COL7A1: variants seen among roughly 807,000 people sequenced by gnomAD.
COL7A1 encodes the protein collagen type VII alpha 1 chain, also known as collagen alpha-1(VII) chain.
COL7A1 carries 296 observed loss-of-function variants against 456.2 expected under a neutral mutation model. The ratio of observed to expected loss-of-function variants is 0.65; its 90% CI spans 0.59 to 0.71. The LOEUF (loss-of-function observed/expected upper bound fraction) is 0.71, where lower values mean the gene tolerates loss of function less well. Ranked by LOEUF, COL7A1 falls within the 30% of genes least tolerant of loss-of-function variation. The probability of loss-of-function intolerance (pLI) is 0.00; values close to 1 mark genes in which losing one functional copy is unlikely to be tolerated. For missense variants in COL7A1, 3,441 were observed against 4,017.2 expected (o/e 0.86, Z 3.88); for synonymous variants, 1,464 against 1,525.9 (o/e 0.96, Z 0.95).
rs1214054963 is a variant in COL7A1, at chr3:48,572,105, C to CCCCAGGGCCAACCCACCTCA, written c.7023+2_7023+21dup. 11 of 1,613,832 alleles carry CCCCAGGGCCAACCCACCTCA rather than the reference C, an allele frequency of 6.8e-6. No individual in the cohort carries two copies. Among genetic ancestry groups the CCCCAGGGCCAACCCACCTCA allele is most frequent in the Non-Finnish European group, 9.3e-6 (11 of 1,179,946 alleles). On this transcript the variant is annotated intron_variant, in intron 91 of 118. Coordinates refer to ENST00000681320, the MANE Select transcript of COL7A1 (RefSeq NM_000094.4). This position sits in a 1 kb window ranked among gnomAD's most constrained non-coding sequence, Gnocchi z 4.6. ...GAGCCTTCTCTGCTCAGTAGTCAGG[C>CCCCAGGGCCAACCCACCTCA]CCCAGGGCCAACCCACCTCACCTTC...
chr3:48,578,918 C>T lies in COL7A1; in HGVS notation c.5424+1G>A. 3 of 1,613,758 alleles carry T rather than the reference C, an allele frequency of 1.9e-6. No individual in the cohort carries two copies. Among genetic ancestry groups the T allele is most frequent in the Non-Finnish European group, 2.5e-6 (3 of 1,179,870 alleles). On this transcript the variant is annotated splice_donor_variant, in intron 63 of 118. Coordinates refer to ENST00000681320, the MANE Select transcript of COL7A1 (RefSeq NM_000094.4). LOFTEE classifies it high-confidence loss of function. The surrounding 1 kb of genome is among the most constrained non-coding windows in gnomAD (Gnocchi z 4.7). ...CTGTCCCAGCATCTCCCCTCACTTA[C>T]GTCTCTCCCTGGGTCCCCAGCTTTG...
rs2107722976 is a variant in COL7A1 at position 48,583,025 on chromosome 3, T to A, written c.4506A>T (p.Pro1502=). 5 of 1,613,996 alleles carry A rather than the reference T, an allele frequency of 3.1e-6. No homozygotes were observed. The highest frequency in any genetic ancestry group is 4.2e-6 in the Non-Finnish European group (5 of 1,179,982). Reference sequence around the variant, plus strand: ...CCAGTGGGTTTACCCGGGATCCCGCTGGGCCTGGGGGTCCACGTTCGCCCT... The same window carrying A: ...CCAGTGGGTTTACCCGGGATCCCGCAGGGCCTGGGGGTCCACGTTCGCCCT... ...GEKGERGPPG[P]AGSRGLPGVA... is the part of the protein sequence containing the mutation. Residue 1502 remains proline, a synonymous_variant, in exon 44 of 119, where the codon CCA becomes CCT. Coordinates refer to ENST00000681320, the MANE Select transcript of COL7A1 (RefSeq NM_000094.4). This position sits in a 1 kb window ranked among gnomAD's most constrained non-coding sequence, Gnocchi z 5.1.
Position 48,583,306 on chromosome 3 carries a change from T to C in COL7A1, c.4437+87A>G. ...ACGACCTCTGACCTGGAGGGAACTC[T>C]TATCTCCTTATCTTCCAGCCTCCCC... is the stretch of plus-strand genomic sequence containing the variant. On this transcript the variant is annotated intron_variant, in intron 42 of 118. Coordinates refer to ENST00000681320, the MANE Select transcript of COL7A1 (RefSeq NM_000094.4). The surrounding 1 kb of genome is among the most constrained non-coding windows in gnomAD (Gnocchi z 5.1). 6.2e-7 allele frequency: 1 copy of C among 1,609,468 alleles called. No homozygotes were observed.
Position 48,590,293 on chromosome 3 carries a change from G to C in COL7A1, c.1970C>G (p.Pro657Arg), listed in dbSNP as rs369972686. ...CACAGCCACCTGGTAGGTGGTTCCA[G>C]GCTGCAGCCCTGTGATGTCTGTGGC... is the stretch of plus-strand genomic sequence containing the variant. ...STATDITGLQ[P>R]GTTYQVAVSV... The change falls in exon 16 of 119, where the codon CCT becomes CGT. Residue 657 changes from proline (P) to arginine (R), a missense_variant. By Grantham distance (103) the Pro-to-Arg change is moderately radical. Coordinates refer to ENST00000681320, the MANE Select transcript of COL7A1 (RefSeq NM_000094.4). This position sits in a 1 kb window ranked among gnomAD's most constrained non-coding sequence, Gnocchi z 4.6. 8.1e-6 allele frequency: 13 copies of C among 1,613,938 alleles called. No individual in the cohort carries two copies. Among genetic ancestry groups the C allele is most frequent in the African/African-American group, 4.0e-5 (3 of 74,902 alleles).
rs150337561 is a variant in COL7A1, at chr3:48,576,452, C to T, written c.5737-17G>A. 1.2e-6 allele frequency: 2 copies of T among 1,613,388 alleles called. No individual in the cohort carries two copies. The highest frequency in any genetic ancestry group is 1.7e-6 in the Non-Finnish European group (2 of 1,179,880). ...ACGGTCACCCTGAAAACAAGAATGA[C>T]CAGGTGGGGAAATGGCCCCCAGCCT... On this transcript the variant is annotated splice_polypyrimidine_tract_variant and intron_variant, in intron 69 of 118. Transcript: ENST00000681320.
In COL7A1 at chr3:48,580,908, C is replaced by T. The variant is rs1439299333; in HGVS notation, c.4954G>A (p.Gly1652Arg). The change falls in exon 54 of 119, where the codon GGA becomes AGA. Residue 1652 changes from glycine (G) to arginine (R), a missense_variant. This residue lies in a region of COL7A1 where 2,084 missense variants were observed against 2,501.3 expected (regional missense o/e 0.83). Coordinates refer to ENST00000681320, the MANE Select transcript of COL7A1 (RefSeq NM_000094.4). This position sits in a 1 kb window ranked among gnomAD's most constrained non-coding sequence, Gnocchi z 4.5. The stretch of plus-strand genomic sequence containing the variant: ...CGAAGGCCACGCTCGCCTGCTTTTC[C>T]AGGCAAACCCGGGTCACCCTGGTGA... ...EGPPGDPGLP[G>R]KAGERGLRGA... The T allele has an allele frequency of 1.2e-6, 2 of 1,614,122 alleles. No homozygotes were observed. The highest frequency in any genetic ancestry group is 1.7e-6 in the Non-Finnish European group (2 of 1,180,038).
chr3:48,588,226 T>C lies in COL7A1; in HGVS notation c.2710+56A>G. On this transcript the variant is annotated intron_variant, in intron 21 of 118. Transcript: ENST00000681320. This position sits in a 1 kb window ranked among gnomAD's most constrained non-coding sequence, Gnocchi z 4.6. ...CACTGTCCTCGCCTACCTTGCGGAGTCTGCCACAGCCCTGCCCCCAATGGT... is the reference window on the plus strand; with the variant it reads ...CACTGTCCTCGCCTACCTTGCGGAGCCTGCCACAGCCCTGCCCCCAATGGT... 1 of 1,611,824 alleles carries C rather than the reference T, an allele frequency of 6.2e-7. No individual in the cohort carries two copies. Among genetic ancestry groups the C allele is most frequent in the Admixed American group, 1.7e-5 (1 of 59,962 alleles).
Position 48,571,452 on chromosome 3 carries a change from G to T in COL7A1, c.7069-174C>A. Reference sequence around the variant, plus strand: ...TCAGACATGACCATGGCCTATCTCAGGACAGCACAGACAGAGGGACGCTCA... The same window carrying T: ...TCAGACATGACCATGGCCTATCTCATGACAGCACAGACAGAGGGACGCTCA... On this transcript the variant is annotated intron_variant, in intron 92 of 118. Coordinates refer to ENST00000681320, the MANE Select transcript of COL7A1 (RefSeq NM_000094.4). The surrounding 1 kb of genome is among the most constrained non-coding windows in gnomAD (Gnocchi z 4.6). The T allele has an allele frequency of 1.3e-6, 1 of 789,368 alleles. No individual in the cohort carries two copies. The highest frequency in any genetic ancestry group is 2.2e-6 in the Non-Finnish European group (1 of 451,740). 48.9% of individuals were successfully genotyped at this position (789,368 alleles called of 1,614,324 possible).
At position 48,584,074 on chromosome 3, in the gene COL7A1, T is replaced by A. The variant is rs907525863; in HGVS notation, c.4198-13A>T. On this transcript the variant is annotated splice_polypyrimidine_tract_variant and intron_variant, in intron 37 of 118. Coordinates refer to ENST00000681320, the MANE Select transcript of COL7A1 (RefSeq NM_000094.4). The stretch of plus-strand genomic sequence containing the variant: ...CGCCTTTGTCACCCTAGAAAACAGA[T>A]GACGACCCCATGACCCTGGGCCACA... 2.5e-6 allele frequency: 4 copies of A among 1,614,000 alleles called. No homozygotes were observed. Among genetic ancestry groups the A allele is most frequent in the Admixed American group, 1.7e-5 (1 of 59,996 alleles).
rs752688217 is a variant in COL7A1 at position 48,589,436 on chromosome 3, G to A, written c.2205C>T (p.Ala735=). Residue 735 remains alanine (A), a synonymous_variant, in exon 18 of 119, where the codon GCC becomes GCT. Transcript: ENST00000681320. The part of the protein sequence containing the change: ...PEKSQLVSGE[A]TVAELDGLEP... ...CCAGTCCATCCAGCTCAGCCACCGT[G>A]GCCTCCCCAGAAACCAACTGGGATT... 2 of 1,613,770 alleles carry A rather than the reference G, an allele frequency of 1.2e-6. No individual in the cohort carries two copies. Among genetic ancestry groups the A allele is most frequent in the Non-Finnish European group, 1.7e-6 (2 of 1,180,008 alleles).
In COL7A1 at chr3:48,573,804, G is replaced by A; in HGVS notation, c.6537+51C>T. The A allele has an allele frequency of 6.2e-7, 1 of 1,613,970 alleles. No individual in the cohort carries two copies. The highest frequency in any genetic ancestry group is 8.5e-7 in the Non-Finnish European group (1 of 1,179,942). On this transcript the variant is annotated intron_variant, in intron 81 of 118. Coordinates refer to ENST00000681320, the MANE Select transcript of COL7A1 (RefSeq NM_000094.4). This position sits in a 1 kb window ranked among gnomAD's most constrained non-coding sequence, Gnocchi z 5.5. ...GAAACTGAGGCAGTACTGGTCACTG[G>A]GGCAGGGCACAGGATGGGGGCAAGA...
intron 44 of COL7A1, 145 bp downstream of exon 44, chr3:48,582,868 G>T: frequency 7.5e-7 from 1 of 1,325,282 alleles, no homozygotes; most frequent in South Asian, 1.2e-5. Flanking sequence ...CCCTGGGGCT[G>T]AGGGTTAGAG....
rs772381373 is a variant in COL7A1 at position 48,572,912 on chromosome 3, G to A, written c.6781C>T (p.Arg2261Ter). 1.9e-6 allele frequency: 3 copies of A among 1,613,766 alleles called. No homozygotes were observed. The highest frequency in any genetic ancestry group is 3.3e-5 in the Admixed American group (2 of 60,000). The change falls in exon 87 of 119, where the codon CGA becomes TGA. Residue 2261 changes from arginine (R) to a stop codon, truncating the protein, a stop_gained. Coordinates refer to ENST00000681320, the MANE Select transcript of COL7A1 (RefSeq NM_000094.4). LOFTEE classifies it high-confidence loss of function. This position sits in a 1 kb window ranked among gnomAD's most constrained non-coding sequence, Gnocchi z 4.6. Reference protein sequence around the residue: ...GETGKPGAPGRDGASGKDGDR... With the variant: ...GETGKPGAPG The stretch of plus-strand genomic sequence containing the variant: ...CCATCTTTTCCACTGGCACCATCTC[G>A]ACCTGGGGCTCCCGGCTTCCCTGTC...
At position 48,568,464 on chromosome 3, in the gene COL7A1, G is replaced by C; in HGVS notation, c.7794+35C>G. 1 of 1,580,424 alleles carries C rather than the reference G, an allele frequency of 6.3e-7. No individual in the cohort carries two copies. The highest frequency in any genetic ancestry group is 8.6e-7 in the Non-Finnish European group (1 of 1,157,382). ...ACCATGGTGACGGGGGCCCTCTGGG[G>C]ACAGGGGGCCCCTGTGGGAGCAGGG... On this transcript the variant is annotated intron_variant, in intron 105 of 118. Transcript: ENST00000681320. The surrounding 1 kb of genome is among the most constrained non-coding windows in gnomAD (Gnocchi z 5.2).
In COL7A1 at chr3:48,571,536, C is replaced by T. The variant is rs184141968; in HGVS notation, c.7069-258G>A. 2.6e-5 allele frequency: 18 copies of T among 698,612 alleles called. No individual in the cohort carries two copies. Among genetic ancestry groups the T allele is most frequent in the African/African-American group, 5.3e-5 (3 of 57,006 alleles). The allele number at this position is 698,612 out of a possible 1,614,324, so 43.3% of individuals were successfully genotyped here. ...GGCACAGGCACAGGGAGCCCACACG[C>T]GAGTGCAGACATCTGGCTCCACAGA... On this transcript the variant is annotated intron_variant, in intron 92 of 118. Coordinates refer to ENST00000681320, the MANE Select transcript of COL7A1 (RefSeq NM_000094.4). This position sits in a 1 kb window ranked among gnomAD's most constrained non-coding sequence, Gnocchi z 4.6.
Position 48,567,276 on chromosome 3 carries a change from C to A in COL7A1, c.8047-86G>T, listed in dbSNP as rs1193910100. On this transcript the variant is annotated intron_variant, in intron 109 of 118. Coordinates refer to ENST00000681320, the MANE Select transcript of COL7A1 (RefSeq NM_000094.4). This position sits in a 1 kb window ranked among gnomAD's most constrained non-coding sequence, Gnocchi z 4.3. Reference sequence around the variant, plus strand: ...CCTGAACTCCCATGAGCTCCCTGGCCTAATGCCCAAACCTTCTGTAACCCA... The same window carrying A: ...CCTGAACTCCCATGAGCTCCCTGGCATAATGCCCAAACCTTCTGTAACCCA... The A allele has an allele frequency of 2.8e-5, 43 of 1,537,720 alleles. No individual in the cohort carries two copies. The highest frequency in any genetic ancestry group is 1.7e-4 in the Middle Eastern group (1 of 5,844).
At position 48,575,591 on chromosome 3, in the gene COL7A1, C is replaced by G. The variant is rs201814450; in HGVS notation, c.5979+35G>C. On this transcript the variant is annotated intron_variant, in intron 73 of 118. Coordinates refer to ENST00000681320, the MANE Select transcript of COL7A1 (RefSeq NM_000094.4). This position sits in a 1 kb window ranked among gnomAD's most constrained non-coding sequence, Gnocchi z 6.3. ...GTGGCTGTACAGCTACACCCCACTC[C>G]ACGGGGCACAACCCACTGAGCCACT... is the stretch of plus-strand genomic sequence containing the variant. 5 of 1,612,680 alleles carry G rather than the reference C, an allele frequency of 3.1e-6. No individual in the cohort carries two copies. The highest frequency in any genetic ancestry group is 1.7e-5 in the Admixed American group (1 of 60,030).
In COL7A1 at chr3:48,586,663, C is replaced by T; in HGVS notation, c.3303G>A (p.Arg1101=). 1.2e-6 allele frequency: 2 copies of T among 1,607,268 alleles called. No individual in the cohort carries two copies. Among genetic ancestry groups the T allele is most frequent in the Non-Finnish European group, 1.7e-6 (2 of 1,176,878 alleles). ...CATTCAGTGGGAACAGTGGGGAGGG[C>T]CGATGACTGTAAGACAGCAGGCCAA... ...VQVGLLSYSH[R]PSPLFPLNGS... The change falls in exon 26 of 119, where the codon CGG becomes CGA. Residue 1101 remains arginine (R), a synonymous_variant. Transcript: ENST00000681320. This position sits in a 1 kb window ranked among gnomAD's most constrained non-coding sequence, Gnocchi z 5.1.
chr3:48,571,757 G>T lies in COL7A1; in HGVS notation c.7068+244C>A. 1.6e-6 allele frequency: 1 copy of T among 632,338 alleles called. No individual in the cohort carries two copies. The highest frequency in any genetic ancestry group is 2.9e-6 in the Non-Finnish European group (1 of 347,936). 39.2% of individuals were successfully genotyped at this position (632,338 alleles called of 1,614,324 possible). A position where few individuals can be genotyped will look rare whatever the true frequency, so the allele number is the denominator to read the frequency against. ...GGAGATCAGACCAGAGCACACGTGT[G>T]CCCAGATGTGGTGAGAAACAGACCA... On this transcript the variant is annotated intron_variant, in intron 92 of 118. Transcript: ENST00000681320. This position sits in a 1 kb window ranked among gnomAD's most constrained non-coding sequence, Gnocchi z 4.6.
Sources: gnomAD v4.1 joint callset for allele counts on GRCh38, gnomAD v4.1.1 for gene constraint, gnomAD v4.1.1 regional missense constraint, Gnocchi (gnomAD v3.1) non-coding constraint, MANE v1.5 for transcripts, NCBI Gene and HGNC (gene_info 2026-07-23, HGNC 2026-07-21) for gene names.